Variants in TARBP1 observed in about 807,000 individuals in gnomAD.
TARBP1 encodes the protein tRNA guanosine 2 -O-methyltransferase TARBP1.
Under a neutral mutation model 178.6 loss-of-function variants are expected in TARBP1, and 144 were observed. The ratio of observed to expected loss-of-function variants is 0.81; its 90% CI spans 0.70 to 0.93. TARBP1 has a LOEUF of 0.93. Ranked by LOEUF, TARBP1 falls within the 40% of genes least tolerant of loss-of-function variation. The pLI is 0.00. For missense variants in TARBP1, 2,067 were observed against 2,011.7 expected (o/e 1.03, Z -0.53); for synonymous variants, 787 against 781.0 (o/e 1.01, Z -0.13).
rs187438018 is a variant in TARBP1, at chr1:234,434,045, C to T, written c.2233-474G>A. 9.9e-5 allele frequency among the ~76,000 whole-genome samples: 15 copies of T among 152,130 alleles called. No homozygotes were observed. The East Asian group carries it at 2.9e-3, about 29-fold the overall frequency. ...AATGCACATTTTTTGACTCATAAAC[C>T]CAGAAAAAAATGGGTTCAGCTCTAC... On this transcript the variant is annotated intron_variant, in intron 13 of 29. Coordinates refer to ENST00000040877, the MANE Select transcript of TARBP1 (RefSeq NM_005646.4).
intron 3 of TARBP1, among the ~76,000 whole-genome samples, chr1:234,470,387 G>C (rs1024949884): frequency 6.6e-6 from 1 of 152,154 alleles, no homozygotes; most frequent in Non-Finnish European, 1.5e-5. Context: ...TAAAATGATA[G>C]GATATCTAGG....
chr1:234,434,729 T>C (rs536385934), intron 13 of TARBP1, among the ~76,000 whole-genome samples: 1 of 151,792 alleles, frequency 6.6e-6, no homozygotes, highest in Non-Finnish European at 1.5e-5. Flanking sequence ...GCTGGGGATG[T>C]AGATGAGATC....
intron 24 of TARBP1, among the ~76,000 whole-genome samples, chr1:234,403,614 T>A (rs1038383626): frequency 6.6e-6 from 1 of 152,190 alleles, no homozygotes; most frequent in Non-Finnish European, 1.5e-5. Context: ...CTTGTGCCTG[T>A]CACAAGCCGA....
Position 234,479,008 on chromosome 1 carries a change from G to C in TARBP1, c.96C>G (p.Arg32=). The change falls in exon 1 of 30, where the codon CGC becomes CGG. Residue 32 remains arginine, a synonymous_variant. Transcript: ENST00000040877. ...ALCQGEASAE[R]VETLRFLLQR... ...GCAGAAGGAAGCGCAGCGTCTCCAC[G>C]CGCTCCGCGGATGCCTCCCCTTGGC... 2.0e-6 allele frequency: 3 copies of C among 1,513,666 alleles called. No individual in the cohort carries two copies. Among genetic ancestry groups the C allele is most frequent in the Non-Finnish European group, 1.8e-6 (2 of 1,142,742 alleles). 93.8% of individuals were successfully genotyped at this position (1,513,666 alleles called of 1,614,324 possible). A position where few individuals can be genotyped will look rare whatever the true frequency, so the allele number is the denominator to read the frequency against.
chr1:234,392,351 C>A (rs1659466141), intron 29 of TARBP1, 65 bp downstream of exon 29: 2 of 1,534,528 alleles, frequency 1.3e-6, no homozygotes, highest in Non-Finnish European at 1.8e-6. Flanking sequence ...CAAAAAAAAA[C>A]AAGGTAACAT....
intron 20 of TARBP1, among the ~76,000 whole-genome samples, chr1:234,422,235 T>C (rs905679444): frequency 2.6e-5 from 4 of 152,178 alleles, no homozygotes; most frequent in African/African-American, 9.6e-5. Flanking sequence ...CAAAATCTTC[T>C]TCTGTCTTTC....
chr1:234,478,500 A>C lies in TARBP1; in HGVS notation c.604T>G (p.Cys202Gly). 1.4e-6 allele frequency: 2 copies of C among 1,393,310 alleles called. No individual in the cohort carries two copies. Among genetic ancestry groups the C allele is most frequent in the Non-Finnish European group, 1.9e-6 (2 of 1,070,886 alleles). The allele number at this position is 1,393,310 out of a possible 1,614,324, so 86.3% of individuals were successfully genotyped here. A position where few individuals can be genotyped will look rare whatever the true frequency, so the allele number is the denominator to read the frequency against. The change falls in exon 1 of 30, where the codon TGT becomes GGT. Residue 202 changes from cysteine to glycine, a missense_variant. Transcript: ENST00000040877. ...ACGGCCCGCAGCGCCGCCCCGCCAC[A>C]TTGGACCAGCACTGGCAGCAGTCGC... The part of the protein sequence containing the change: ...AGRLLPVLVQ[C>G]GGAALRAVWG...
intron 9 of TARBP1, among the ~76,000 whole-genome samples, chr1:234,455,809 C>T (rs558997448): frequency 6.6e-6 from 1 of 151,502 alleles, no homozygotes; most frequent in African/African-American, 2.4e-5. Flanking sequence ...CTTGTCAATA[C>T]CCTCAATATA....
chr1:234,475,967 C>T (rs1435969886), intron 1 of TARBP1, among the ~76,000 whole-genome samples: 6 of 145,682 alleles, frequency 4.1e-5, no homozygotes, highest in African/African-American at 1.2e-4. Flanking sequence ...CACAAAGTAA[C>T]GGTGCCTATC....
chr1:234,400,800 T>C (rs577118292), intron 25 of TARBP1: 6 of 157,282 alleles, frequency 3.8e-5, no homozygotes, highest in African/African-American at 1.4e-4. Flanking sequence ...AACAAAAAAG[T>C]ATATCTTTTT....
chr1:234,402,141 G>T (rs1660733732), intron 24 of TARBP1, among the ~76,000 whole-genome samples: 1 of 152,178 alleles, frequency 6.6e-6, no homozygotes, highest in South Asian at 2.1e-4. Flanking sequence ...ATCAGTAATG[G>T]ACTCAAGCGA....
chr1:234,410,073 C>T (rs560023984), intron 23 of TARBP1, among the ~76,000 whole-genome samples: 43 of 152,278 alleles, frequency 2.8e-4, no homozygotes, highest in Middle Eastern at 3.4e-3. Context: ...TTTCTTTGCA[C>T]GAGCATTTGT....
chr1:234,454,874 G>A (rs1667127810), intron 9 of TARBP1, among the ~76,000 whole-genome samples: 1 of 152,110 alleles, frequency 6.6e-6, no homozygotes, highest in Non-Finnish European at 1.5e-5. Flanking sequence ...TTCTCAGATG[G>A]GGACATTATG....
chr1:234,414,892 G>A (rs1662242458), intron 22 of TARBP1, among the ~76,000 whole-genome samples: 2 of 152,138 alleles, frequency 1.3e-5, no homozygotes, highest in Non-Finnish European at 2.9e-5. Context: ...GCTGAGGCAG[G>A]AGAATTGCTT....
intron 2 of TARBP1, among the ~76,000 whole-genome samples, chr1:234,471,638 C>T (rs6697342): frequency 0.015 from 2,229 of 152,262 alleles, 51 homozygotes; most frequent in African/African-American, 0.051. Context: ...ACGCTTAGAA[C>T]GGCCAGTTCG....
chr1:234,393,602 A>C, intron 27 of TARBP1, 44 bp downstream of exon 27: 1 of 1,588,974 alleles, frequency 6.3e-7, no homozygotes, highest in Non-Finnish European at 8.6e-7. Flanking sequence ...AATGTTGAAG[A>C]CCAAAAGCTT....
At chr1:234,396,755 A>G (rs193159305) in intron 26 of TARBP1, among the ~76,000 whole-genome samples, 143 of 152,146 alleles carry the variant, frequency 9.4e-4, no homozygotes, top group African/African-American at 3.1e-3. Flanking sequence ...CCAGACCCAT[A>G]ATTGGCCTTT....
chr1:234,406,421 T>G (rs1328072807), intron 23 of TARBP1: 1 of 221,424 alleles, frequency 4.5e-6, no homozygotes, highest in Non-Finnish European at 9.0e-6. Context: ...AACCAAAATG[T>G]TTTTCAAATG....
intron 5 of TARBP1, among the ~76,000 whole-genome samples, chr1:234,464,532 A>G (rs1260467393): frequency 6.6e-6 from 1 of 152,226 alleles, no homozygotes; most frequent in Non-Finnish European, 1.5e-5. Context: ...AGATCTTTTC[A>G]TTGGTTTTAC....
Sources: allele counts gnomAD v4.1 joint callset (sites outside exome capture counted in the v4.1 genomes callset), GRCh38; gene constraint gnomAD v4.1.1; transcripts MANE v1.5; gene names NCBI Gene and HGNC (gene_info 2026-07-23, HGNC 2026-07-21).